The following HGSNAT variants were observed in gnomAD, a reference collection of about 807,000 sequenced individuals.
The protein encoded by HGSNAT is heparan-alpha-glucosaminide N-acetyltransferase.
In HGSNAT, 59 loss-of-function variants were observed where a neutral mutation model predicts 85.2. The observed-to-expected ratio is 0.69, with a 90% CI of 0.56 to 0.86. The LOEUF is 0.86. HGSNAT is among the 40% of genes least tolerant of loss of function. The pLI is 0.00. For synonymous variants in HGSNAT, 321 were observed against 304.5 expected (o/e 1.05, Z -0.56); for missense variants, 756 against 777.1 (o/e 0.97, Z 0.32).
At chr8:43,192,192 T>C in intron 12 of HGSNAT, 112 bp from the exon 13 acceptor site, 1 of 1,210,764 alleles carries the variant, frequency 8.3e-7, no homozygotes, top group Non-Finnish European at 1.1e-6. Context: ...CCTCCCAAAG[T>C]GTTGGGATTA....
Position 43,196,983 on chromosome 8 carries a change from CAA to C in HGSNAT, c.1502_1503del (p.Lys501ArgfsTer25). 6.2e-7 allele frequency: 1 copy of C among 1,612,324 alleles called. No individual in the cohort carries two copies. Among genetic ancestry groups the C allele is most frequent in the Non-Finnish European group, 8.5e-7 (1 of 1,178,428 alleles). On this transcript the variant is annotated frameshift_variant, in exon 15 of 18. Transcript: ENST00000379644. LOFTEE classifies it high-confidence loss of function. ...KILLYYKART[K>X]DILIRFTAWC... ...TACTATTGTATTACAAGGCTCGGAC[CAA>C]AGACATCCTGATTCGATTCACTGCT...
At chr8:43,190,655 G>A (rs888986732) in intron 11 of HGSNAT, among the ~76,000 whole-genome samples, 2 of 152,196 alleles carry the variant, frequency 1.3e-5, no homozygotes, top group African/African-American at 4.8e-5. Flanking sequence ...CTAAGAACAG[G>A]TGGGCTGCAC....
At chr8:43,179,249 C>G in intron 10 of HGSNAT, among the ~76,000 whole-genome samples, 1 of 151,030 alleles carries the variant, frequency 6.6e-6, no homozygotes, top group Non-Finnish European at 1.5e-5. Flanking sequence ...GCTGACCCCC[C>G]CACCACCCTC....
chr8:43,154,573 T>G (rs1202927119), intron 2 of HGSNAT, among the ~76,000 whole-genome samples: 1 of 152,186 alleles, frequency 6.6e-6, no homozygotes, highest in Non-Finnish European at 1.5e-5. Flanking sequence ...ATGTGCCACA[T>G]TTTCTTAATC....
rs1157493942 is a variant in HGSNAT, at chr8:43,197,929, C to G, written c.1703C>G (p.Thr568Arg). ...YPVVDVKGLWTGTPFFYPGMN... is the reference protein window; with the variant it reads ...YPVVDVKGLWRGTPFFYPGMN... ...GTTGTGGATGTGAAGGGGCTGTGGA[C>G]AGGAACCCCATTCTTTTATCCAGGT... The change falls in exon 17 of 18, where the codon ACA (threonine) becomes AGA (arginine). Residue 568 changes from threonine to arginine, a missense_variant. Physicochemically the swap from Thr to Arg is moderately conservative, Grantham distance 71 (BLOSUM62 -1). Transcript: ENST00000379644. 6.2e-7 allele frequency: 1 copy of G among 1,613,444 alleles called. No homozygotes were observed. The highest frequency in any genetic ancestry group is 1.7e-5 in the Admixed American group (1 of 59,972).
Position 43,199,592 on chromosome 8 carries a change from C to A in HGSNAT, c.*23C>A. Reference sequence around the variant, plus strand: ...TGATGGCTCCCACTGAGATGTGCTGCTGGAAGACTCTAGTAGGCCTGCAGG... The same window carrying A: ...TGATGGCTCCCACTGAGATGTGCTGATGGAAGACTCTAGTAGGCCTGCAGG... On this transcript the variant is annotated 3_prime_UTR_variant, in exon 18 of 18. Transcript: ENST00000379644. 6.7e-7 allele frequency: 1 copy of A among 1,502,890 alleles called. No individual in the cohort carries two copies. The highest frequency in any genetic ancestry group is 1.4e-5 in the South Asian group (1 of 72,358). The allele number at this position is 1,502,890 out of a possible 1,614,324, so 93.1% of individuals were successfully genotyped here.
chr8:43,171,124 C>T (rs1003738756), intron 7 of HGSNAT, among the ~76,000 whole-genome samples: 1 of 152,110 alleles, frequency 6.6e-6, no homozygotes, highest in Non-Finnish European at 1.5e-5. Flanking sequence ...AGTATCAGGC[C>T]CTCGTGCTAG....
In HGSNAT at chr8:43,194,107, G is replaced by GT. The variant is rs778217365; in HGVS notation, c.1464+267dup. The GT allele has an allele frequency of 1.3e-5, 16 of 1,215,764 alleles. No individual in the cohort carries two copies. The South Asian group carries it at 2.5e-4, about 19-fold the overall frequency. 75.3% of individuals were successfully genotyped at this position (1,215,764 alleles called of 1,614,324 possible). On this transcript the variant is annotated intron_variant, in intron 14 of 17. Transcript: ENST00000379644. The stretch of plus-strand genomic sequence containing the variant: ...TAGCACGGCAGTTTCTAGATAAAAG[G>GT]TTTCCCTTGCCAAGCTGCAGTGGCT...
At chr8:43,170,391 A>G (rs1803582875) in intron 6 of HGSNAT, among the ~76,000 whole-genome samples, 194 bp from the exon 7 acceptor site, 1 of 152,054 alleles carries the variant, frequency 6.6e-6, no homozygotes, top group African/African-American at 2.4e-5. Flanking sequence ...GAGGCAGGAG[A>G]ATCGCTTGAC....
chr8:43,175,720 C>A (rs1438530016), intron 9 of HGSNAT, among the ~76,000 whole-genome samples: 2 of 151,576 alleles, frequency 1.3e-5, no homozygotes, highest in African/African-American at 4.8e-5. Flanking sequence ...TGCGCACCAC[C>A]ACACCTGGCT....
At chr8:43,147,192 TAAAG>T in intron 2 of HGSNAT, 129 bp downstream of exon 2, 1 of 591,468 alleles carries the variant, frequency 1.7e-6, no homozygotes, top group Non-Finnish European at 2.9e-6. Flanking sequence ...AGAAGCTATA[TAAAG>T]AGTCGGAAGA....
chr8:43,141,722 C>G (rs571497609), intron 1 of HGSNAT, among the ~76,000 whole-genome samples: 1 of 152,214 alleles, frequency 6.6e-6, no homozygotes, highest in African/African-American at 2.4e-5. Context: ...GGAAAAGCGG[C>G]TCAGAGGATT....
intron 1 of HGSNAT, among the ~76,000 whole-genome samples, chr8:43,141,758 C>G (rs1033331025): frequency 2.0e-5 from 3 of 152,186 alleles, no homozygotes; most frequent in African/African-American, 7.2e-5. Flanking sequence ...CTTGATCCAC[C>G]CAACCTTCAT....
chr8:43,182,302 T>TA (rs925460457), intron 11 of HGSNAT, 42 bp downstream of exon 11: 35 of 1,451,138 alleles, frequency 2.4e-5, no homozygotes, highest in African/African-American at 2.8e-5. Flanking sequence ...TTTTTTAAAT[T>TA]AAAAAAAATG....
chr8:43,173,557 G>T (rs954976177), intron 8 of HGSNAT, among the ~76,000 whole-genome samples, 156 bp from the exon 9 acceptor site: 16 of 152,042 alleles, frequency 1.1e-4, no homozygotes. Context: ...TGATCTGCTC[G>T]CCTCGGCCCC....
chr8:43,189,785 A>G (rs912160476), intron 11 of HGSNAT, among the ~76,000 whole-genome samples: 3 of 152,154 alleles, frequency 2.0e-5, no homozygotes, highest in Non-Finnish European at 4.4e-5. Context: ...TTTAGTAGAG[A>G]TGGAGTTTCA....
In HGSNAT at chr8:43,200,919, G is replaced by C. The variant is rs1348580647; in HGVS notation, c.*1350G>C. 2 of 152,668 alleles carry C rather than the reference G, an allele frequency of 1.3e-5. No individual in the cohort carries two copies. The highest frequency in any genetic ancestry group is 6.5e-5 in the Admixed American group (1 of 15,292). The allele number at this position is 152,668 out of a possible 1,614,324, so 9.5% of individuals were successfully genotyped here. ...CCTGCCTGCTGGACCCCTCCACCTGGAGGCCAGCCCATGTCTCAGGCCCAG... is the reference window on the plus strand; with the variant it reads ...CCTGCCTGCTGGACCCCTCCACCTGCAGGCCAGCCCATGTCTCAGGCCCAG... On this transcript the variant is annotated 3_prime_UTR_variant, in exon 18 of 18. Coordinates refer to ENST00000379644, the MANE Select transcript of HGSNAT (RefSeq NM_152419.3).
chr8:43,150,877 T>A (rs750662046), intron 2 of HGSNAT, among the ~76,000 whole-genome samples: 10 of 149,592 alleles, frequency 6.7e-5, no homozygotes, highest in Non-Finnish European at 1.5e-4. Flanking sequence ...AAAATAAAAT[T>A]GCTTTTGGAA....
chr8:43,199,248 A>C (rs1426474212), intron 17 of HGSNAT, 140 bp from the exon 18 acceptor site: 1 of 602,210 alleles, frequency 1.7e-6, no homozygotes, highest in Non-Finnish European at 2.9e-6. Context: ...TAAGATATGC[A>C]TTACTTATTT....
Sources: allele counts gnomAD v4.1 joint callset (sites outside exome capture counted in the v4.1 genomes callset), GRCh38; gene constraint gnomAD v4.1.1; transcripts MANE v1.5; gene names NCBI Gene and HGNC (gene_info 2026-07-23, HGNC 2026-07-21).